The following FBXO25 variants were observed in gnomAD, a reference collection of about 807,000 sequenced individuals.
The protein encoded by FBXO25 is F-box only protein 25.
A neutral mutation model predicts 51.9 loss-of-function variants in FBXO25; 45 were observed. That is an observed-to-expected ratio of 0.87 (90% CI 0.68 to 1.11). The LOEUF (loss-of-function observed/expected upper bound fraction) is 1.11. FBXO25 is among the 50% of genes most tolerant of loss of function. FBXO25 has a pLI of 0.00. For missense variants in FBXO25, 507 were observed against 428.5 expected (o/e 1.18, Z -1.62); for synonymous variants, 199 against 151.0 (o/e 1.32, Z -2.33).
chr8:466,404 C>G (rs1018182866), intron 9 of FBXO25, among the ~76,000 whole-genome samples: 1 of 152,220 alleles, frequency 6.6e-6, no homozygotes, highest in African/African-American at 2.4e-5. Context: ...GTTCAGCAGT[C>G]CTGCACCTGG....
At chr8:458,591 T>A in intron 8 of FBXO25, 40 bp downstream of exon 8, 1 of 1,599,208 alleles carries the variant, frequency 6.3e-7, no homozygotes, top group Non-Finnish European at 8.5e-7. Context: ...GCTGGGAGTT[T>A]ATAGACTCTG....
Position 474,306 on chromosome 8 carries a change from A to G in FBXO25, c.*5502A>G, listed in dbSNP as rs1220480810. ...AAGATTTCTTTTTAAGGCTGATTCT[A>G]TGGATGGACCACATTTTGTTTGTGT... On this transcript the variant is annotated 3_prime_UTR_variant, in exon 10 of 10. Transcript: ENST00000350302. 1 of 185,408 alleles carries G rather than the reference A, an allele frequency of 5.4e-6. No homozygotes were observed. The highest frequency in any genetic ancestry group is 1.1e-5 in the Non-Finnish European group (1 of 90,420). The allele number at this position is 185,408 out of a possible 1,614,324, so 11.5% of individuals were successfully genotyped here.
intron 9 of FBXO25, among the ~76,000 whole-genome samples, chr8:463,715 C>G (rs925244087): frequency 1.8e-4 from 27 of 152,244 alleles, no homozygotes; most frequent in African/African-American, 6.0e-4. Context: ...ATCTGCAAGT[C>G]TCATCCCTTC....
Position 474,667 on chromosome 8 carries a change from G to A in FBXO25, c.*5863G>A, listed in dbSNP as rs752553662. 1.5e-4 allele frequency: 68 copies of A among 446,414 alleles called. No homozygotes were observed. Among genetic ancestry groups the A allele is most frequent in the African/African-American group, 7.3e-4 (36 of 49,188 alleles). The allele number at this position is 446,414 out of a possible 1,614,324, so 27.7% of individuals were successfully genotyped here. ...TCTGTTTGTTGGCCGTTTATATGTC[G>A]TCTTTGGAGAAATGTCTATTTGGGC... On this transcript the variant is annotated 3_prime_UTR_variant, in exon 10 of 10. Transcript: ENST00000350302.
chr8:420,112 C>A (rs181359235), intron 2 of FBXO25, among the ~76,000 whole-genome samples: 1 of 152,080 alleles, frequency 6.6e-6, no homozygotes. Flanking sequence ...AGCCTGAGGC[C>A]ACGGTACCAT....
At chr8:409,304 C>T (rs898948307) in intron 1 of FBXO25, among the ~76,000 whole-genome samples, 5 of 152,188 alleles carry the variant, frequency 3.3e-5, no homozygotes, top group African/African-American at 1.2e-4. Context: ...CTGTGAAGCA[C>T]ACACATCTTC....
At chr8:461,388 A>G (rs955945547) in intron 8 of FBXO25, among the ~76,000 whole-genome samples, 1 of 152,198 alleles carries the variant, frequency 6.6e-6, no homozygotes, top group African/African-American at 2.4e-5. Context: ...ATCCTGGTGG[A>G]AGGCAAAGGA....
chr8:431,227 G>T (rs573579690), intron 2 of FBXO25, 114 bp from the exon 3 acceptor site: 14 of 586,088 alleles, frequency 2.4e-5, no homozygotes, highest in African/African-American at 2.0e-4. Flanking sequence ...CATTACCCTT[G>T]TGATTTCAAG....
At chr8:468,010 G>A in intron 9 of FBXO25, 1 of 1,318,904 alleles carries the variant, frequency 7.6e-7, no homozygotes, top group Non-Finnish European at 9.7e-7. Context: ...TCACCACACA[G>A]CACCTGGTTT....
rs1230565929 is a variant in FBXO25, at chr8:470,378, C to T, written c.*1574C>T. 1 of 152,084 alleles carries T rather than the reference C, an allele frequency of 6.6e-6. No homozygotes were observed. Among genetic ancestry groups the T allele is most frequent in the Non-Finnish European group, 1.5e-5 (1 of 68,046 alleles). The allele number at this position is 152,084 out of a possible 1,614,324, so 9.4% of individuals were successfully genotyped here. ...ATTTTTTTGGAGTTTGTTTTTGAGA[C>T]AGGGTCTTGCTCTGTCACCCAGGCT... is the stretch of plus-strand genomic sequence containing the variant. On this transcript the variant is annotated 3_prime_UTR_variant, in exon 10 of 10. Coordinates refer to ENST00000350302, the MANE Select transcript of FBXO25 (RefSeq NM_183420.2).
At chr8:444,169 A>G (rs1220481717) in intron 5 of FBXO25, among the ~76,000 whole-genome samples, 1 of 152,266 alleles carries the variant, frequency 6.6e-6, no homozygotes, top group African/African-American at 2.4e-5. Flanking sequence ...AGTTCATTAT[A>G]AATCTGAAGG....
Position 453,703 on chromosome 8 carries a change from C to A in FBXO25, c.660+2250C>A, listed in dbSNP as rs80323323. ...AGAGCAGCTGAGAGCCTTCCCGGATCCCTGAGAGTGGAAGTCCAAGCACAC... is the reference window on the plus strand; with the variant it reads ...AGAGCAGCTGAGAGCCTTCCCGGATACCTGAGAGTGGAAGTCCAAGCACAC... On this transcript the variant is annotated intron_variant, in intron 7 of 9. Transcript: ENST00000350302. 6.0e-4 allele frequency among the ~76,000 whole-genome samples: 92 copies of A among 152,246 alleles called. 1 individual carries two copies. The highest frequency in any genetic ancestry group is 2.1e-3 in the African/African-American group (89 of 41,562).
chr8:441,527 T>C (rs769087367), intron 5 of FBXO25, among the ~76,000 whole-genome samples: 6 of 152,128 alleles, frequency 3.9e-5, no homozygotes, highest in Non-Finnish European at 7.4e-5. Flanking sequence ...GGGATCTAAT[T>C]AAACTAAAAA....
rs780313774 is a variant in FBXO25, at chr8:432,879, A to T, written c.239-7A>T. Reference sequence around the variant, plus strand: ...GATTTTAAAAACAAAGGTAATTTTTATTCTAGGTTTTTATCGTGAAAAATG... The same window carrying T: ...GATTTTAAAAACAAAGGTAATTTTTTTTCTAGGTTTTTATCGTGAAAAATG... On this transcript the variant is annotated splice_polypyrimidine_tract_variant and splice_region_variant and intron_variant, in intron 3 of 9. Coordinates refer to ENST00000350302, the MANE Select transcript of FBXO25 (RefSeq NM_183420.2). The T allele has an allele frequency of 1.0e-5, 16 of 1,543,642 alleles. No individual in the cohort carries two copies. The highest frequency in any genetic ancestry group is 2.4e-4 in the Middle Eastern group (1 of 4,204).
At chr8:453,659 A>G (rs902968190) in intron 7 of FBXO25, among the ~76,000 whole-genome samples, 3 of 152,048 alleles carry the variant, frequency 2.0e-5, no homozygotes, top group Non-Finnish European at 2.9e-5. Flanking sequence ...GAGGTGACTC[A>G]AGCAGATGGG....
rs987815802 is a variant in FBXO25, at chr8:476,299, C to A, written c.*7495C>A. ...TTGTTGAATATTGATTTAAAAAAAT[C>A]TTGATCAGGAATACTGATGTGTGGT... is the stretch of plus-strand genomic sequence containing the variant. On this transcript the variant is annotated 3_prime_UTR_variant, in exon 10 of 10. Transcript: ENST00000350302. The A allele has an allele frequency of 1.3e-5, 2 of 151,912 alleles. No homozygotes were observed. Among genetic ancestry groups the A allele is most frequent in the Admixed American group, 6.6e-5 (1 of 15,258 alleles). 9.4% of individuals were successfully genotyped at this position (151,912 alleles called of 1,614,324 possible). A position where few individuals can be genotyped will look rare whatever the true frequency, so the allele number is the denominator to read the frequency against.
intron 9 of FBXO25, 101 bp downstream of exon 9, chr8:463,251 G>C: frequency 7.7e-7 from 1 of 1,304,330 alleles, no homozygotes; most frequent in Non-Finnish European, 1.1e-6. Context: ...GGAAAATACT[G>C]TTTGTTATAA....
intron 2 of FBXO25, among the ~76,000 whole-genome samples, chr8:429,476 T>C (rs1797688346): frequency 6.6e-6 from 1 of 152,218 alleles, no homozygotes; most frequent in Admixed American, 6.5e-5. Context: ...AGAACATGTT[T>C]GCTGTGACGT....
At chr8:419,152 G>A (rs1334438354) in intron 2 of FBXO25, among the ~76,000 whole-genome samples, 1 of 151,856 alleles carries the variant, frequency 6.6e-6, no homozygotes, top group East Asian at 1.9e-4. Flanking sequence ...CTGAGGTCAG[G>A]AGTTCAAGAC....
Sources: gnomAD v4.1 joint callset for allele counts (sites outside exome capture counted in the v4.1 genomes callset) on GRCh38, gnomAD v4.1.1 for gene constraint, MANE v1.5 for transcripts, NCBI Gene and HGNC (gene_info 2026-07-23, HGNC 2026-07-21) for gene names.